Variants in SDHD observed in about 807,000 individuals in gnomAD.
SDHD encodes the protein succinate dehydrogenase [ubiquinone] cytochrome b small subunit, mitochondrial.
Under a neutral mutation model 18.7 loss-of-function variants are expected in SDHD, and 6 were observed. The ratio of observed to expected loss-of-function variants is 0.32; its 90% CI spans 0.18 to 0.63. The LOEUF is 0.63. SDHD is among the 30% of genes least tolerant of loss of function. The pLI is 0.79. For missense variants in SDHD, 160 were observed against 192.7 expected, an observed-to-expected ratio of 0.83 and a Z score of 1.00; for synonymous variants, 56 against 73.9, an observed-to-expected ratio of 0.76 and a Z score of 1.24.
At chr11:112,091,154 T>C (rs943292499) in intron 3 of SDHD, 2 of 914,008 alleles carry the variant, frequency 2.2e-6, no homozygotes, top group Non-Finnish European at 1.3e-6. Flanking sequence ...TTCTCTAACA[T>C]GTCATCCCTC....
At chr11:112,087,818 G>C in intron 1 of SDHD, 39 bp from the exon 2 acceptor site, 2 of 1,321,846 alleles carry the variant, frequency 1.5e-6, no homozygotes, top group Non-Finnish European at 2.2e-6. Context: ...CCTGTTAAAG[G>C]AGAGGTTCTT....
At chr11:112,087,711 C>A in intron 1 of SDHD, 146 bp from the exon 2 acceptor site, 1 of 738,002 alleles carries the variant, frequency 1.4e-6, no homozygotes, top group East Asian at 2.5e-5. Flanking sequence ...CACAGTAACC[C>A]CAGTGAAATA....
intron 3 of SDHD, 95 bp from the exon 4 acceptor site, chr11:112,094,710 T>G: frequency 8.7e-7 from 1 of 1,149,096 alleles, no homozygotes; most frequent in Non-Finnish European, 1.3e-6. Flanking sequence ...GCATTTGAAC[T>G]TGACAGATTG....
Position 112,095,564 on chromosome 11 carries a change from A to G in SDHD, c.*594A>G, listed in dbSNP as rs1178736676. ...GTGCTTCTGAATATACAGAAGTTCC[A>G]TTTAAGGGCAAGTTTCCCTGTAGAT... On this transcript the variant is annotated 3_prime_UTR_variant, in exon 4 of 4. Coordinates refer to ENST00000375549, the MANE Select transcript of SDHD (RefSeq NM_003002.4). 1.3e-5 allele frequency: 3 copies of G among 231,304 alleles called. No individual in the cohort carries two copies. In the East Asian group the frequency reaches 1.9e-4, roughly 14 times the overall value. The allele number at this position is 231,304 out of a possible 1,614,324, so 14.3% of individuals were successfully genotyped here.
At chr11:112,088,012 C>G in intron 2 of SDHD, 39 bp downstream of exon 2, 1 of 1,340,532 alleles carries the variant, frequency 7.5e-7, no homozygotes, top group Non-Finnish European at 1.1e-6. Context: ...TGGGCTCTAG[C>G]CATCTTTACC....
rs886047702 is a variant in SDHD, at chr11:112,095,708, T to A, written c.*738T>A. The A allele has an allele frequency of 4.6e-6, 1 of 218,762 alleles. No homozygotes were observed. The highest frequency in any genetic ancestry group is 9.1e-6 in the Non-Finnish European group (1 of 109,290). 13.6% of individuals were successfully genotyped at this position (218,762 alleles called of 1,614,324 possible). A position where few individuals can be genotyped will look rare whatever the true frequency, so the allele number is the denominator to read the frequency against. On this transcript the variant is annotated 3_prime_UTR_variant, in exon 4 of 4. Coordinates refer to ENST00000375549, the MANE Select transcript of SDHD (RefSeq NM_003002.4). ...GTAATAAATTGTTATTTTCGCACAA[T>A]GGGAATCTCTAATGTGAAAATGTAT... is the stretch of plus-strand genomic sequence containing the variant.
rs142135772 is a variant in SDHD at position 112,088,975 on chromosome 11, A to G, written c.278A>G (p.Tyr93Cys). ...AYLNPCSAMD[Y>C]SLAAALTLHG... ...TTGAATCCTTGCTCTGCGATGGACT[A>G]TTCCCTGGCTGCAGCCCTCACTCTT... is the stretch of plus-strand genomic sequence containing the variant. The change falls in exon 3 of 4, where the codon TAT becomes TGT. Residue 93 changes from tyrosine to cysteine, a missense_variant. Transcript: ENST00000375549. The G allele has an allele frequency of 7.4e-5, 120 of 1,614,134 alleles. No homozygotes were observed. The African/African-American group carries it at 1.4e-3, about 18-fold the overall frequency.
At chr11:112,088,788 G>T (rs1865681327) in intron 2 of SDHD, 79 bp from the exon 3 acceptor site, 1 of 1,499,260 alleles carries the variant, frequency 6.7e-7, no homozygotes, top group South Asian at 1.1e-5. Flanking sequence ...TGTCAGTTTG[G>T]GTTACTGTGT....
At chr11:112,093,253 A>G (rs553394571) in intron 3 of SDHD, 2 of 271,532 alleles carry the variant, frequency 7.4e-6, no homozygotes, top group South Asian at 5.5e-5. Flanking sequence ...TTTTGTAGAG[A>G]TGGGGTTTCT....
At chr11:112,087,267 C>CT (rs1308715367) in intron 1 of SDHD, among the ~76,000 whole-genome samples, 2 of 152,102 alleles carry the variant, frequency 1.3e-5, no homozygotes, top group African/African-American at 2.4e-5. Flanking sequence ...TCCCCACTCG[C>CT]TCCCACCCTG....
At chr11:112,088,659 C>A in intron 2 of SDHD, 1 of 640,522 alleles carries the variant, frequency 1.6e-6, no homozygotes, top group Non-Finnish European at 2.8e-6. Flanking sequence ...TACCCTTGTG[C>A]TAAAAGACTT....
rs1865817222 is a variant in SDHD, at chr11:112,095,052, A to G, written c.*82A>G. On this transcript the variant is annotated 3_prime_UTR_variant, in exon 4 of 4. Coordinates refer to ENST00000375549, the MANE Select transcript of SDHD (RefSeq NM_003002.4). ...CATGCCATTAAGCTCACAATAAGGA[A>G]GAAATAACAGATAAGTCCATTGGTG... 3 of 1,029,164 alleles carry G rather than the reference A, an allele frequency of 2.9e-6. No homozygotes were observed. The African/African-American group carries it at 4.7e-5, about 16-fold the overall frequency. The allele number at this position is 1,029,164 out of a possible 1,614,324, so 63.8% of individuals were successfully genotyped here.
At chr11:112,090,654 T>G (rs1310468079) in intron 3 of SDHD, among the ~76,000 whole-genome samples, 1 of 152,140 alleles carries the variant, frequency 6.6e-6, no homozygotes, top group Non-Finnish European at 1.5e-5. Context: ...CCAGGGAGGT[T>G]AAGTGACTTG....
chr11:112,090,091 G>A (rs887857308), intron 3 of SDHD, among the ~76,000 whole-genome samples: 4 of 133,374 alleles, frequency 3.0e-5, no homozygotes, highest in Non-Finnish European at 5.1e-5. Context: ...AGCATCCAGC[G>A]CCTGTTTGTT....
At chr11:112,091,650 C>A (rs1865747722) in intron 3 of SDHD, among the ~76,000 whole-genome samples, 1 of 151,990 alleles carries the variant, frequency 6.6e-6, no homozygotes, top group Non-Finnish European at 1.5e-5. Flanking sequence ...CCCAAATCTC[C>A]CTTGATTTCT....
At chr11:112,087,705 G>A in intron 1 of SDHD, 152 bp from the exon 2 acceptor site, 1 of 727,890 alleles carries the variant, frequency 1.4e-6, no homozygotes, top group South Asian at 1.4e-5. Flanking sequence ...TAACTTCACA[G>A]TAACCCCAGT....
chr11:112,087,034 T>G, intron 1 of SDHD, 75 bp downstream of exon 1: 1 of 1,532,328 alleles, frequency 6.5e-7, no homozygotes, highest in Non-Finnish European at 9.0e-7. Flanking sequence ...AGGACTCATC[T>G]GCCGGGTGGG....
chr11:112,091,677 C>G (rs1474717437), intron 3 of SDHD, among the ~76,000 whole-genome samples: 1 of 152,122 alleles, frequency 6.6e-6, no homozygotes, highest in East Asian at 1.9e-4. Context: ...AAACCCCCTT[C>G]TCAAAGCTAT....
At chr11:112,092,729 C>G (rs917725553) in intron 3 of SDHD, among the ~76,000 whole-genome samples, 1 of 152,104 alleles carries the variant, frequency 6.6e-6, no homozygotes, top group Admixed American at 6.5e-5. Flanking sequence ...AAAAGTTAAC[C>G]TTAGAGTTAC....
Sources: allele counts gnomAD v4.1 joint callset (sites outside exome capture counted in the v4.1 genomes callset), GRCh38; gene constraint gnomAD v4.1.1; transcripts MANE v1.5; gene names NCBI Gene and HGNC (gene_info 2026-07-23, HGNC 2026-07-21).